ADK: variants seen among roughly 807,000 people sequenced by gnomAD.
ADK encodes N6,N6-dimethyladenosine kinase.
A neutral mutation model predicts 44.7 loss-of-function variants in ADK; 24 were observed. That is an observed-to-expected ratio of 0.54 (90% CI 0.39 to 0.76). The LOEUF is 0.76. ADK is among the 30% of genes least tolerant of loss of function. The pLI, the probability that ADK is intolerant of heterozygous loss-of-function variation, is 0.00. For synonymous variants in ADK, 128 were observed against 142.6 expected (o/e 0.90, Z 0.73); for missense variants, 321 against 425.1 (o/e 0.76, Z 2.15).
chr10:74,288,349 T>G (rs11000960), intron 3 of ADK, among the ~76,000 whole-genome samples: 72,565 of 151,956 alleles, frequency 0.48, 20,017 homozygotes, highest in Non-Finnish European at 0.62. Context: ...TGTGTTGATG[T>G]TAAAGAAAAG....
chr10:74,242,657 T>C (rs2132306262), intron 3 of ADK, among the ~76,000 whole-genome samples: 1 of 152,324 alleles, frequency 6.6e-6, no homozygotes, highest in Middle Eastern at 3.4e-3. Flanking sequence ...TGAGAACTTC[T>C]ATTCCTGTTT....
chr10:74,508,843 T>A (rs1406575412), intron 6 of ADK, among the ~76,000 whole-genome samples: 1 of 152,240 alleles, frequency 6.6e-6, no homozygotes, highest in East Asian at 1.9e-4. Context: ...TGCATGCATA[T>A]GTGTTTAAAT....
At chr10:74,702,532 C>G (rs1392437922) in intron 10 of ADK, among the ~76,000 whole-genome samples, 1 of 143,094 alleles carries the variant, frequency 7.0e-6, no homozygotes, top group African/African-American at 2.6e-5. Flanking sequence ...TCTTTCCTTC[C>G]TTCCTTCCTT....
At chr10:74,572,632 AG>A (rs779721881) in intron 7 of ADK, among the ~76,000 whole-genome samples, 78 of 152,208 alleles carry the variant, frequency 5.1e-4, no homozygotes, top group Middle Eastern at 6.3e-3. Context: ...CGTCACTTTC[AG>A]GTACACAAAT....
At chr10:74,607,437 ATC>A (rs912425669) in intron 9 of ADK, among the ~76,000 whole-genome samples, 22 of 152,084 alleles carry the variant, frequency 1.4e-4, no homozygotes, top group Non-Finnish European at 3.1e-4. Context: ...TGGTGACAAA[ATC>A]TCTCAGCATT....
At chr10:74,568,309 A>AT (rs919516309) in intron 7 of ADK, among the ~76,000 whole-genome samples, 8 of 151,206 alleles carry the variant, frequency 5.3e-5, no homozygotes, top group Non-Finnish European at 8.9e-5. Context: ...TTTCCCCTTA[A>AT]TTTTTTTTTC....
chr10:74,289,542 A>T (rs1419639048), intron 3 of ADK, among the ~76,000 whole-genome samples: 1 of 152,162 alleles, frequency 6.6e-6, no homozygotes, highest in Non-Finnish European at 1.5e-5. Context: ...TTTCTTTCTG[A>T]TTTGGAGTGT....
intron 3 of ADK, among the ~76,000 whole-genome samples, chr10:74,275,238 AT>A (rs1846629529): frequency 6.6e-6 from 1 of 152,070 alleles, no homozygotes; most frequent in African/African-American, 2.4e-5. Flanking sequence ...GTTTAAGACA[AT>A]TGCATTTCTT....
chr10:74,673,918 C>T (rs562542814), intron 10 of ADK, among the ~76,000 whole-genome samples: 48 of 152,286 alleles, frequency 3.2e-4, no homozygotes, highest in African/African-American at 1.1e-3. Flanking sequence ...CAAGCTGTCC[C>T]TCTGAAGTCA....
chr10:74,246,586 A>G (rs1845424129), intron 3 of ADK, among the ~76,000 whole-genome samples: 1 of 152,170 alleles, frequency 6.6e-6, no homozygotes, highest in Non-Finnish European at 1.5e-5. Context: ...AAACTTCATT[A>G]TCATGCCCAT....
chr10:74,450,266 C>T (rs1324844469), intron 6 of ADK, among the ~76,000 whole-genome samples: 3 of 152,142 alleles, frequency 2.0e-5, no homozygotes, highest in Admixed American at 6.6e-5. Flanking sequence ...GATCTGTGAT[C>T]GTATCTCTGC....
At chr10:74,402,004 A>G (rs1843732414) in intron 6 of ADK, among the ~76,000 whole-genome samples, 1 of 152,164 alleles carries the variant, frequency 6.6e-6, no homozygotes, top group Admixed American at 6.5e-5. Flanking sequence ...TATGAAGCTT[A>G]GTTTGGCTCG....
At chr10:74,371,829 A>C (rs1017639436) in intron 4 of ADK, 3 of 1,277,554 alleles carry the variant, frequency 2.3e-6, no homozygotes, top group African/African-American at 2.9e-5. Context: ...AGCCACTCCA[A>C]TTGTTGGCCA....
At chr10:74,163,301 T>C (rs923625826) in intron 1 of ADK, among the ~76,000 whole-genome samples, 20 of 152,342 alleles carry the variant, frequency 1.3e-4, no homozygotes, top group African/African-American at 4.8e-4. Context: ...GTGGTTGATG[T>C]CTTCACTCAT....
At chr10:74,252,410 A>C (rs927096009) in intron 3 of ADK, among the ~76,000 whole-genome samples, 1 of 152,192 alleles carries the variant, frequency 6.6e-6, no homozygotes, top group Non-Finnish European at 1.5e-5. Context: ...TTATCACTGA[A>C]AGAAACCTAA....
At chr10:74,237,034 C>T (rs1219089128) in intron 3 of ADK, among the ~76,000 whole-genome samples, 1 of 152,140 alleles carries the variant, frequency 6.6e-6, no homozygotes, top group East Asian at 1.9e-4. Flanking sequence ...GTTGGAGTGT[C>T]TGTGGCAATT....
chr10:74,685,542 GCA>G (rs1292833342), intron 10 of ADK, among the ~76,000 whole-genome samples: 1 of 152,154 alleles, frequency 6.6e-6, no homozygotes, highest in Non-Finnish European at 1.5e-5. Flanking sequence ...GCATAAGAGG[GCA>G]CCTCTAGAGC....
intron 7 of ADK, among the ~76,000 whole-genome samples, chr10:74,553,355 G>A (rs901972661): frequency 1.3e-5 from 2 of 151,520 alleles, no homozygotes; most frequent in Non-Finnish European, 2.9e-5. Flanking sequence ...CACGCACCAC[G>A]ACACCCAGCT....
chr10:74,372,010 T>A, intron 4 of ADK: 1 of 782,926 alleles, frequency 1.3e-6, no homozygotes, highest in Non-Finnish European at 2.3e-6. Context: ...TTTGTGGACA[T>A]TGCCATTCTA....
Sources: allele counts gnomAD v4.1 joint callset (sites outside exome capture counted in the v4.1 genomes callset), GRCh38; gene constraint gnomAD v4.1.1; transcripts MANE v1.5; gene names NCBI Gene and HGNC (gene_info 2026-07-23, HGNC 2026-07-21).